Variants in AEBP1 observed in about 807,000 individuals in gnomAD.
AEBP1 encodes adipocyte enhancer-binding protein 1.
In AEBP1, 69 loss-of-function variants were observed where a neutral mutation model predicts 116.5. The ratio of observed to expected loss-of-function variants is 0.59; its 90% CI spans 0.49 to 0.72. The LOEUF is 0.72. Among genes scored for constraint, AEBP1 ranks in the 30% least tolerant of loss-of-function variants. The probability of loss-of-function intolerance (pLI) is 0.00; values close to 1 mark genes in which losing one functional copy is unlikely to be tolerated. For missense variants in AEBP1, 1,444 were observed against 1,557.5 expected (o/e 0.93, Z 1.23); for synonymous variants, 627 against 627.3 (o/e 1.00, Z 0.01).
rs1583556508 is a variant in AEBP1, at chr7:44,113,438, A to G, written c.2809+87A>G. The G allele has an allele frequency of 8.2e-6, 12 of 1,464,734 alleles. No homozygotes were observed. In the East Asian group the frequency reaches 2.8e-4, roughly 34 times the overall value. The allele number at this position is 1,464,734 out of a possible 1,614,324, so 90.7% of individuals were successfully genotyped here. Reference sequence around the variant, plus strand: ...GGCTTGAGGAACTCAGCGAGCAGGTAGAGTCTGGGGAGCCTGGGGGCGAAA... The same window carrying G: ...GGCTTGAGGAACTCAGCGAGCAGGTGGAGTCTGGGGAGCCTGGGGGCGAAA... On this transcript the variant is annotated intron_variant, in intron 20 of 20. Transcript: ENST00000223357. The surrounding 1 kb of genome is among the most constrained non-coding windows in gnomAD (Gnocchi z 5.3).
In AEBP1 at chr7:44,110,952, A is replaced by G; in HGVS notation, c.1525A>G (p.Ser509Gly). 5.0e-6 allele frequency: 8 copies of G among 1,613,978 alleles called. No individual in the cohort carries two copies. The highest frequency in any genetic ancestry group is 6.8e-6 in the Non-Finnish European group (8 of 1,179,994). The change falls in exon 13 of 21, where the codon AGT (serine) becomes GGT (glycine). Residue 509 changes from serine to glycine, a missense_variant. Coordinates refer to ENST00000223357, the MANE Select transcript of AEBP1 (RefSeq NM_001129.5). ...CGTGGACAAGGACACACCCGTGCTGAGTGAGCTCCCAGAGCCGGTGGTGGC... is the reference window on the plus strand; with the variant it reads ...CGTGGACAAGGACACACCCGTGCTGGGTGAGCTCCCAGAGCCGGTGGTGGC... ...GNVDKDTPVL[S>G]ELPEPVVARF...
In AEBP1 at chr7:44,108,365, G is replaced by A. The variant is rs1356260512; in HGVS notation, c.940+281G>A. 1.3e-5 allele frequency among the ~76,000 whole-genome samples: 2 copies of A among 152,112 alleles called. No homozygotes were observed. The highest frequency in any genetic ancestry group is 4.8e-5 in the African/African-American group (2 of 41,410). On this transcript the variant is annotated intron_variant, in intron 6 of 20. Transcript: ENST00000223357. This position sits in a 1 kb window ranked among gnomAD's most constrained non-coding sequence, Gnocchi z 5.0. ...ACACTCTGCCCTGTCACCCATGTGG[G>A]TTCCAGCCCTCCCAGTCCTGTGCTC... is the stretch of plus-strand genomic sequence containing the variant.
At chr7:44,106,493 TGGG>T (rs1016621316) in intron 1 of AEBP1, 50 bp from the exon 2 acceptor site, 216 of 1,510,980 alleles carry the variant, frequency 1.4e-4, no homozygotes, top group Middle Eastern at 1.7e-4. Flanking sequence ...AGGGGCCTCA[TGGG>T]GGCACAGAGC....
At position 44,113,864 on chromosome 7, in the gene AEBP1, T is replaced by TGCGGC; in HGVS notation, c.3081_3085dup (p.Leu1029ArgfsTer18). 6.2e-7 allele frequency: 1 copy of TGCGGC among 1,613,670 alleles called. No homozygotes were observed. The highest frequency in any genetic ancestry group is 8.5e-7 in the Non-Finnish European group (1 of 1,179,974). The stretch of plus-strand genomic sequence containing the variant: ...CAGCAGCGACGCCTACAACACCGCC[T>TGCGGC]GCGGCTTCGGGCACAGATGCGGCTG... On this transcript the variant is annotated frameshift_variant, in exon 21 of 21. Transcript: ENST00000223357. LOFTEE classifies it low-confidence loss of function (END_TRUNC). This position sits in a 1 kb window ranked among gnomAD's most constrained non-coding sequence, Gnocchi z 5.3.
rs372158531 is a variant in AEBP1, at chr7:44,106,029, C to T, written c.254-517C>T. On this transcript the variant is annotated intron_variant, in intron 1 of 20. Transcript: ENST00000223357. ...CCCCTTACTTCTCGAAAGGAGACCACTTCCTCTTCTTTGGGCTTCAATACT... is the reference window on the plus strand; with the variant it reads ...CCCCTTACTTCTCGAAAGGAGACCATTTCCTCTTCTTTGGGCTTCAATACT... 11 of 368,204 alleles carry T rather than the reference C, an allele frequency of 3.0e-5. No individual in the cohort carries two copies. In the East Asian group the frequency reaches 6.6e-4, roughly 22 times the overall value. The allele number at this position is 368,204 out of a possible 1,614,324, so 22.8% of individuals were successfully genotyped here. A position where few individuals can be genotyped will look rare whatever the true frequency, so the allele number is the denominator to read the frequency against.
Position 44,107,624 on chromosome 7 carries a change from C to T in AEBP1, c.668-5C>T. On this transcript the variant is annotated splice_region_variant and splice_polypyrimidine_tract_variant and intron_variant, in intron 3 of 20. Coordinates refer to ENST00000223357, the MANE Select transcript of AEBP1 (RefSeq NM_001129.5). This position sits in a 1 kb window ranked among gnomAD's most constrained non-coding sequence, Gnocchi z 4.3. ...GTCAGGCAGCTACCAGCGCTTTCCC[C>T]TCAGAGCCGGAGGAGGAGACCGAGC... The T allele has an allele frequency of 3.1e-6, 5 of 1,613,648 alleles. No homozygotes were observed. Among genetic ancestry groups the T allele is most frequent in the Non-Finnish European group, 4.2e-6 (5 of 1,179,970 alleles).
chr7:44,111,035 G>C lies in AEBP1; in HGVS notation c.1608G>C (p.Glu536Asp), dbSNP rs2096228795. 1 of 1,612,064 alleles carries C rather than the reference G, an allele frequency of 6.2e-7. No homozygotes were observed. Among genetic ancestry groups the C allele is most frequent in the African/African-American group, 1.3e-5 (1 of 74,920 alleles). ...ATGGCAGCCTGTGCATGCGCCTGGA[G>C]GTGCTGGGGTGCTCTGTGGCCCGTG... ...TWNGSLCMRL[E>D]VLGCSVAPVY... The change falls in exon 13 of 21, where the codon GAG (glutamate) becomes GAC (aspartate). Residue 536 changes from glutamate to aspartate, a missense_variant. Transcript: ENST00000223357. This position sits in a 1 kb window ranked among gnomAD's most constrained non-coding sequence, Gnocchi z 4.7.
In AEBP1 at chr7:44,112,066, A is replaced by C; in HGVS notation, c.2037+16A>C. Reference sequence around the variant, plus strand: ...AGCGCAGATGGTGGGTTGAAGGGTGAGGCTGGCCAGGGTCCAGGCAGCTGG... The same window carrying C: ...AGCGCAGATGGTGGGTTGAAGGGTGCGGCTGGCCAGGGTCCAGGCAGCTGG... On this transcript the variant is annotated intron_variant, in intron 16 of 20. Transcript: ENST00000223357. The surrounding 1 kb of genome is among the most constrained non-coding windows in gnomAD (Gnocchi z 6.6). 1 of 1,608,990 alleles carries C rather than the reference A, an allele frequency of 6.2e-7. No individual in the cohort carries two copies.
chr7:44,105,054 A>T (rs1041449055), intron 1 of AEBP1, 136 bp downstream of exon 1: 20 of 819,054 alleles, frequency 2.4e-5, no homozygotes, highest in Admixed American at 1.2e-4. Flanking sequence ...GCGAGCCCAG[A>T]TGCCTGGAGG....
intron 11 of AEBP1, 48 bp from the exon 12 acceptor site, chr7:44,110,677 G>A: frequency 6.8e-7 from 1 of 1,475,964 alleles, no homozygotes; most frequent in Non-Finnish European, 9.1e-7. Context: ...GCCACCTGAG[G>A]GCCTGGGAGG....
In AEBP1 at chr7:44,109,141, G is replaced by A; in HGVS notation, c.1053G>A (p.Glu351=). The change falls in exon 8 of 21, where the codon GAG becomes GAA. Residue 351 remains glutamate, a synonymous_variant. Coordinates refer to ENST00000223357, the MANE Select transcript of AEBP1 (RefSeq NM_001129.5). ...KPKKEDSSPK[E]ETDKWAVEKG... The stretch of plus-strand genomic sequence containing the variant: ...AAAAGGAGGACAGCAGCCCCAAGGA[G>A]GAGACCGACAAGTGGGCAGTGGAGA... 1 of 1,613,772 alleles carries A rather than the reference G, an allele frequency of 6.2e-7. No homozygotes were observed. Among genetic ancestry groups the A allele is most frequent in the Non-Finnish European group, 8.5e-7 (1 of 1,180,014 alleles).
intron 7 of AEBP1, 55 bp downstream of exon 7, chr7:44,109,031 C>T (rs1008733771): frequency 1.4e-5 from 22 of 1,608,608 alleles, no homozygotes; most frequent in Non-Finnish European, 3.4e-6. Context: ...CCACCTGGGG[C>T]CTGCCTGATC....
At chr7:44,109,939 T>C in intron 9 of AEBP1, 76 bp from the exon 10 acceptor site, 1 of 1,367,386 alleles carries the variant, frequency 7.3e-7, no homozygotes, top group Non-Finnish European at 1.0e-6. Flanking sequence ...GAGTGGGCTC[T>C]GGGCTCCTTG....
chr7:44,111,431 C>T lies in AEBP1; in HGVS notation c.1717-76C>T, dbSNP rs1333933744. ...TGCCCGTCCCTCGCCATAGAGCAGG[C>T]CCTGGAAGTGGAAGGGGCATGGTCA... On this transcript the variant is annotated intron_variant, in intron 14 of 20. Coordinates refer to ENST00000223357, the MANE Select transcript of AEBP1 (RefSeq NM_001129.5). This position sits in a 1 kb window ranked among gnomAD's most constrained non-coding sequence, Gnocchi z 4.7. The T allele has an allele frequency of 4.0e-6, 6 of 1,505,476 alleles. No individual in the cohort carries two copies. The highest frequency in any genetic ancestry group is 4.6e-5 in the Admixed American group (2 of 43,926). The allele number at this position is 1,505,476 out of a possible 1,614,324, so 93.3% of individuals were successfully genotyped here.
intron 1 of AEBP1, chr7:44,106,287 T>C (rs2096222811): frequency 6.2e-6 from 4 of 645,272 alleles, no homozygotes; most frequent in Admixed American, 2.1e-5. Flanking sequence ...GATGAGGGCC[T>C]CCCCCTGGGA....
intron 1 of AEBP1, 149 bp downstream of exon 1, chr7:44,105,067 C>T: frequency 2.5e-6 from 2 of 800,154 alleles, no homozygotes; most frequent in African/African-American, 1.7e-5. Context: ...CCTGGAGGGA[C>T]CCTGTGCTAG....
chr7:44,110,010 C>G lies in AEBP1; in HGVS notation c.1151-5C>G. On this transcript the variant is annotated splice_region_variant and splice_polypyrimidine_tract_variant and intron_variant, in intron 9 of 20. Coordinates refer to ENST00000223357, the MANE Select transcript of AEBP1 (RefSeq NM_001129.5). Reference sequence around the variant, plus strand: ...GAGCCACCATTCTGGGGTACGCGTCCTCAGAGTGTCCCCCCATTGGGATGG... The same window carrying G: ...GAGCCACCATTCTGGGGTACGCGTCGTCAGAGTGTCCCCCCATTGGGATGG... 1 of 1,611,692 alleles carries G rather than the reference C, an allele frequency of 6.2e-7. No individual in the cohort carries two copies. Among genetic ancestry groups the G allele is most frequent in the Non-Finnish European group, 8.5e-7 (1 of 1,179,044 alleles).
Position 44,113,819 on chromosome 7 carries a change from C to T in AEBP1, c.3035C>T (p.Thr1012Ile), listed in dbSNP as rs748198860. 1.2e-6 allele frequency: 2 copies of T among 1,613,806 alleles called. No homozygotes were observed. The highest frequency in any genetic ancestry group is 2.7e-5 in the African/African-American group (2 of 74,896). ...CACATAGACCCATCGCGCCCTATGA[C>T]CCCCCAACAGCGACGCCTGCAGCAG... ...IPHIDPSRPM[T>I]PQQRRLQQRR... Residue 1012 changes from threonine to isoleucine, a missense_variant, in exon 21 of 21, where the codon ACC becomes ATC. By Grantham distance (89) the Thr-to-Ile change is moderately conservative. Transcript: ENST00000223357. The surrounding 1 kb of genome is among the most constrained non-coding windows in gnomAD (Gnocchi z 5.3).
rs1026802162 is a variant in AEBP1, at chr7:44,111,199, A to G, written c.1676A>G (p.Asp559Gly). The G allele has an allele frequency of 3.3e-6, 5 of 1,514,346 alleles. No individual in the cohort carries two copies. The highest frequency in any genetic ancestry group is 3.5e-6 in the Non-Finnish European group (4 of 1,130,252). 93.8% of individuals were successfully genotyped at this position (1,514,346 alleles called of 1,614,324 possible). Residue 559 changes from aspartate to glycine, a missense_variant, in exon 14 of 21, where the codon GAC becomes GGC. Transcript: ENST00000223357. The surrounding 1 kb of genome is among the most constrained non-coding windows in gnomAD (Gnocchi z 4.7). ...YAQNEVVATDDLDFRHHSYKD... is the reference protein window; with the variant it reads ...YAQNEVVATDGLDFRHHSYKD... ...CAGAATGAGGTGGTGGCCACCGATG[A>G]CCTGGATTTCCGGCACCACAGCTAC...
Sources: allele counts gnomAD v4.1 joint callset (sites outside exome capture counted in the v4.1 genomes callset), GRCh38; gene constraint gnomAD v4.1.1; non-coding constraint Gnocchi (gnomAD v3.1); transcripts MANE v1.5; gene names NCBI Gene and HGNC (gene_info 2026-07-23, HGNC 2026-07-21).